Variants in KANSL1L observed in about 807,000 individuals in gnomAD.
The protein encoded by KANSL1L is KAT8 regulatory NSL complex subunit 1-like protein.
In KANSL1L, 25 loss-of-function variants were observed where a neutral mutation model predicts 108.6. The ratio of observed to expected loss-of-function variants is 0.23; its 90% confidence interval spans 0.17 to 0.32. The LOEUF (loss-of-function observed/expected upper bound fraction) is 0.32, where lower values mean the gene tolerates loss of function less well. Among genes scored for constraint, KANSL1L ranks in the 10% least tolerant of loss-of-function variants. The pLI is 1.00. For missense variants in KANSL1L, 1,137 were observed against 1,125.7 expected, an observed-to-expected ratio of 1.01 and a Z score of -0.14; for synonymous variants, 405 against 395.1, an observed-to-expected ratio of 1.03 and a Z score of -0.30.
chr2:210,140,373 A>G (rs1437474551), intron 2 of KANSL1L, among the ~76,000 whole-genome samples: 1 of 152,198 alleles, frequency 6.6e-6, no homozygotes, highest in Non-Finnish European at 1.5e-5. Context: ...ATCCTTTGAT[A>G]TGTAGATAAC....
In KANSL1L at chr2:210,040,543, A is replaced by C. The variant is rs765622911; in HGVS notation, c.1922-16T>G. ...AGAGGCACATCTGGAAAAATAAAAT[A>C]AAAAAGGTATTTTCAAATACCACTC... is the stretch of plus-strand genomic sequence containing the variant. On this transcript the variant is annotated splice_polypyrimidine_tract_variant and intron_variant, in intron 7 of 14. Transcript: ENST00000281772. 23 of 1,248,582 alleles carry C rather than the reference A, an allele frequency of 1.8e-5. No individual in the cohort carries two copies. The allele number at this position is 1,248,582 out of a possible 1,614,324, so 77.3% of individuals were successfully genotyped here. A position where few individuals can be genotyped will look rare whatever the true frequency, so the allele number is the denominator to read the frequency against.
At position 210,044,255 on chromosome 2, in the gene KANSL1L, A is replaced by G. The variant is rs1017252618; in HGVS notation, c.1756-151T>C. ...CTAGATGTTTTCCCAATTAACTTTA[A>G]TATTTATTAATTCAATCATAAAAGG... On this transcript the variant is annotated intron_variant, in intron 6 of 14. Coordinates refer to ENST00000281772, the MANE Select transcript of KANSL1L (RefSeq NM_152519.4). This position sits in a 1 kb window ranked among gnomAD's most constrained non-coding sequence, Gnocchi z 4.2. 4.3e-6 allele frequency: 2 copies of G among 470,256 alleles called. No homozygotes were observed. The highest frequency in any genetic ancestry group is 3.7e-6 in the Non-Finnish European group (1 of 272,104). 29.1% of individuals were successfully genotyped at this position (470,256 alleles called of 1,614,324 possible).
intron 14 of KANSL1L, among the ~76,000 whole-genome samples, 194 bp downstream of exon 14, chr2:210,023,839 T>G (rs993855972): frequency 1.3e-5 from 2 of 152,226 alleles, no homozygotes; most frequent in Non-Finnish European, 2.9e-5. Context: ...TACTTGGAAG[T>G]TCGTATTGAC....
chr2:210,154,427 T>C lies in KANSL1L; in HGVS notation c.156A>G (p.Pro52=), dbSNP rs1261450735. 1 of 1,613,308 alleles carries C rather than the reference T, an allele frequency of 6.2e-7. No homozygotes were observed. The highest frequency in any genetic ancestry group is 8.5e-7 in the Non-Finnish European group (1 of 1,179,690). ...GDTFSQMLGF[P]TPEPTLNTNF... is the part of the protein sequence containing the mutation. ...TAGTATTAAGAGTAGGTTCAGGAGT[T>C]GGAAATCCAAGCATCTGAGAAAAGG... The change falls in exon 2 of 15, where the codon CCA becomes CCG. Residue 52 remains proline (P), a synonymous_variant. Transcript: ENST00000281772.
intron 3 of KANSL1L, among the ~76,000 whole-genome samples, chr2:210,120,654 AC>A (rs1177920082): frequency 6.6e-6 from 1 of 152,228 alleles, no homozygotes; most frequent in Non-Finnish European, 1.5e-5. Flanking sequence ...ATGTATACTA[AC>A]TAAACTAGAG....
intron 3 of KANSL1L, among the ~76,000 whole-genome samples, chr2:210,128,454 A>G (rs2095089252): frequency 6.6e-6 from 1 of 152,228 alleles, no homozygotes; most frequent in Non-Finnish European, 1.5e-5. Context: ...ATATGCTACA[A>G]TATTTATGAA....
intron 2 of KANSL1L, among the ~76,000 whole-genome samples, chr2:210,136,249 A>T (rs2095172986): frequency 6.6e-6 from 1 of 152,086 alleles, no homozygotes. Flanking sequence ...GGGATGGGCA[A>T]ATTTAGTCTT....
chr2:210,138,807 G>A (rs1303427010), intron 2 of KANSL1L, among the ~76,000 whole-genome samples: 1 of 151,980 alleles, frequency 6.6e-6, no homozygotes, highest in African/African-American at 2.4e-5. Context: ...AAGTCGAAAT[G>A]CATTGAATTG....
chr2:210,158,944 A>C (rs1361182721), intron 1 of KANSL1L, among the ~76,000 whole-genome samples: 1 of 152,236 alleles, frequency 6.6e-6, no homozygotes, highest in Non-Finnish European at 1.5e-5. Context: ...CATATTATAT[A>C]AACAACTACA....
intron 8 of KANSL1L, chr2:210,032,711 C>T: frequency 6.6e-6 from 1 of 152,154 alleles, no homozygotes; most frequent in East Asian, 1.9e-4. Context: ...AATTCCCTTC[C>T]CATCAAAAGT....
At chr2:210,070,224 CTTTTTTT>C (rs71043971) in intron 6 of KANSL1L, among the ~76,000 whole-genome samples, 5 of 77,542 alleles carry the variant, frequency 6.4e-5, no homozygotes, top group Admixed American at 2.5e-4. Flanking sequence ...TTTCTCCGTT[CTTTTTTT>C]TTTTTTTTTT....
At chr2:210,073,855 G>A (rs1042745754) in intron 6 of KANSL1L, among the ~76,000 whole-genome samples, 10 of 150,848 alleles carry the variant, frequency 6.6e-5, no homozygotes, top group South Asian at 4.2e-4. Context: ...GTTCCACTTC[G>A]TTAATTCTTT....
intron 6 of KANSL1L, among the ~76,000 whole-genome samples, chr2:210,057,060 C>T (rs1221311641): frequency 6.6e-6 from 1 of 152,108 alleles, no homozygotes; most frequent in Non-Finnish European, 1.5e-5. Context: ...TTTGGGCTGA[C>T]CAAGTCACTT....
intron 5 of KANSL1L, among the ~76,000 whole-genome samples, chr2:210,091,168 A>G (rs2094690048): frequency 6.6e-6 from 1 of 152,194 alleles, no homozygotes; most frequent in Non-Finnish European, 1.5e-5. Context: ...ACCAAATTTT[A>G]AGGTAACATG....
upstream of KANSL1L, among the ~76,000 whole-genome samples, chr2:210,172,655 G>T (rs748044712): frequency 6.6e-6 from 1 of 152,188 alleles, no homozygotes; most frequent in Non-Finnish European, 1.5e-5. Flanking sequence ...GTAAGCTAAT[G>T]ATGTGTTGTG....
chr2:210,072,062 A>G (rs1268099582), intron 6 of KANSL1L, among the ~76,000 whole-genome samples: 1 of 152,198 alleles, frequency 6.6e-6, no homozygotes, highest in Non-Finnish European at 1.5e-5. Context: ...TGTCTAATCT[A>G]CCATCAATAG....
At chr2:210,031,132 T>G in intron 9 of KANSL1L, 1 of 258,968 alleles carries the variant, frequency 3.9e-6, no homozygotes, top group African/African-American at 2.3e-5. Flanking sequence ...ATTTTGAGCA[T>G]AGAACACAAC....
intron 8 of KANSL1L, among the ~76,000 whole-genome samples, chr2:210,034,082 TCTTTA>T (rs879340033): frequency 4.6e-5 from 7 of 152,302 alleles, no homozygotes; most frequent in Non-Finnish European, 8.8e-5. Flanking sequence ...ATATATCCTG[TCTTTA>T]CTTCCTTCCC....
chr2:210,137,845 G>A (rs578106958), intron 2 of KANSL1L, among the ~76,000 whole-genome samples: 22 of 152,102 alleles, frequency 1.4e-4, no homozygotes, highest in Non-Finnish European at 2.6e-4. Flanking sequence ...AGACTAAGCA[G>A]CACAGCAAAA....
Sources: allele counts gnomAD v4.1 joint callset (sites outside exome capture counted in the v4.1 genomes callset), GRCh38; gene constraint gnomAD v4.1.1; non-coding constraint Gnocchi (gnomAD v3.1); transcripts MANE v1.5; gene names NCBI Gene and HGNC (gene_info 2026-07-23, HGNC 2026-07-21).